SGMS1: variants seen among roughly 807,000 people sequenced by gnomAD.
The protein encoded by SGMS1 is sphingomyelin synthase 1, also known as phosphatidylcholine:ceramide cholinephosphotransferase 1.
SGMS1 carries 13 observed loss-of-function variants against 46.2 expected under a neutral mutation model. The ratio of observed to expected loss-of-function variants is 0.28; its 90% CI spans 0.18 to 0.45. The LOEUF (loss-of-function observed/expected upper bound fraction) is 0.45, where lower values mean the gene tolerates loss of function less well. Ranked by LOEUF, SGMS1 falls within the 20% of genes least tolerant of loss-of-function variation. The pLI, the probability that SGMS1 is intolerant of heterozygous loss-of-function variation, is 1.00. For missense variants in SGMS1, 324 were observed against 519.9 expected, an observed-to-expected ratio of 0.62 and a Z score of 3.66; for synonymous variants, 203 against 187.8, an observed-to-expected ratio of 1.08 and a Z score of -0.66.
At chr10:50,316,964 G>C (rs900965209) in intron 8 of SGMS1, among the ~76,000 whole-genome samples, 1 of 152,154 alleles carries the variant, frequency 6.6e-6, no homozygotes, top group Non-Finnish European at 1.5e-5. Flanking sequence ...GAACTAGTGA[G>C]CTTTTGGCTA....
intron 1 of SGMS1, among the ~76,000 whole-genome samples, chr10:50,619,277 T>C (rs1223839780): frequency 6.6e-6 from 1 of 151,998 alleles, no homozygotes; most frequent in Non-Finnish European, 1.5e-5. Flanking sequence ...AAAGCAGCAG[T>C]CAAGGCAACG....
chr10:50,580,484 T>C (rs1342879207), intron 2 of SGMS1, among the ~76,000 whole-genome samples: 2 of 149,284 alleles, frequency 1.3e-5, no homozygotes, highest in Non-Finnish European at 3.0e-5. Flanking sequence ...TCGGGGAAAT[T>C]AAGTAACTTG....
At chr10:50,589,265 C>T (rs549199873) in intron 2 of SGMS1, among the ~76,000 whole-genome samples, 8 of 152,114 alleles carry the variant, frequency 5.3e-5, no homozygotes, top group East Asian at 3.9e-4. Context: ...TCTCTCTCTC[C>T]GTGTGTGTGA....
intron 2 of SGMS1, among the ~76,000 whole-genome samples, chr10:50,581,885 T>A (rs984984531): frequency 6.6e-6 from 1 of 152,270 alleles, no homozygotes; most frequent in East Asian, 1.9e-4. Flanking sequence ...GACATCTACA[T>A]GGTAAACAAT....
At position 50,307,050 on chromosome 10, in the gene SGMS1, T is replaced by C. The variant is rs1280693001; in HGVS notation, c.*92A>G. The stretch of plus-strand genomic sequence containing the variant: ...AGTCAAGGTAACCATTGAAAGATAA[T>C]AGGATTAGGGAGGTGTTTATTTTAT... On this transcript the variant is annotated 3_prime_UTR_variant, in exon 11 of 11. Transcript: ENST00000361781. The surrounding 1 kb of genome is among the most constrained non-coding windows in gnomAD (Gnocchi z 4.2). The C allele has an allele frequency of 3.3e-6, 4 of 1,229,600 alleles. No individual in the cohort carries two copies. Among genetic ancestry groups the C allele is most frequent in the Non-Finnish European group, 4.5e-6 (4 of 885,254 alleles). The allele number at this position is 1,229,600 out of a possible 1,614,324, so 76.2% of individuals were successfully genotyped here.
intron 2 of SGMS1, among the ~76,000 whole-genome samples, chr10:50,529,743 T>C (rs1837935987): frequency 6.6e-6 from 1 of 152,200 alleles, no homozygotes; most frequent in African/African-American, 2.4e-5. Context: ...AGCATTGTGC[T>C]TGACACAGCA....
intron 6 of SGMS1, among the ~76,000 whole-genome samples, chr10:50,373,755 A>C (rs1359695668): frequency 6.6e-6 from 1 of 152,228 alleles, no homozygotes; most frequent in Non-Finnish European, 1.5e-5. Flanking sequence ...TACAAGAGGT[A>C]AAAATCTAGC....
intron 2 of SGMS1, among the ~76,000 whole-genome samples, chr10:50,586,018 T>G (rs1373160426): frequency 6.6e-6 from 1 of 152,224 alleles, no homozygotes; most frequent in Non-Finnish European, 1.5e-5. Flanking sequence ...GGCCATATGG[T>G]CACTGTTGCA....
intron 6 of SGMS1, among the ~76,000 whole-genome samples, chr10:50,387,428 T>C (rs1206811544): frequency 6.6e-6 from 1 of 152,220 alleles, no homozygotes; most frequent in Non-Finnish European, 1.5e-5. Context: ...TGGATTTAAT[T>C]ACCTTACGCT....
At chr10:50,374,753 G>T (rs1047842198) in intron 6 of SGMS1, among the ~76,000 whole-genome samples, 1 of 151,828 alleles carries the variant, frequency 6.6e-6, no homozygotes, top group African/African-American at 2.4e-5. Context: ...AACCACTCTG[G>T]CCACTGTTTC....
intron 3 of SGMS1, among the ~76,000 whole-genome samples, chr10:50,514,068 A>C (rs1837781191): frequency 6.6e-6 from 1 of 152,030 alleles, no homozygotes; most frequent in Non-Finnish European, 1.5e-5. Context: ...TGTGAGCACC[A>C]AAAAAAAGAT....
At chr10:50,475,186 G>A (rs966340221) in intron 3 of SGMS1, among the ~76,000 whole-genome samples, 10 of 152,094 alleles carry the variant, frequency 6.6e-5, no homozygotes, top group South Asian at 2.1e-4. Flanking sequence ...AATGTTGTCC[G>A]GTAGAGATAT....
intron 5 of SGMS1, among the ~76,000 whole-genome samples, chr10:50,442,828 G>A (rs1352667098): frequency 6.6e-6 from 1 of 152,152 alleles, no homozygotes; most frequent in African/African-American, 2.4e-5. Context: ...TGTTTACTCT[G>A]CTGATAGTTT....
chr10:50,399,067 C>T (rs926411816), intron 6 of SGMS1, among the ~76,000 whole-genome samples: 3 of 151,776 alleles, frequency 2.0e-5, no homozygotes, highest in Non-Finnish European at 2.9e-5. Context: ...TTTTAAGAAC[C>T]GATGGAAATG....
intron 7 of SGMS1, among the ~76,000 whole-genome samples, chr10:50,331,733 T>C (rs762047006): frequency 1.3e-5 from 2 of 152,336 alleles, no homozygotes; most frequent in African/African-American, 2.4e-5. Context: ...CAAATTCCTA[T>C]GTTGAAACCT....
chr10:50,486,610 T>C (rs980540823), intron 3 of SGMS1, among the ~76,000 whole-genome samples: 2 of 152,106 alleles, frequency 1.3e-5, no homozygotes, highest in African/African-American at 4.8e-5. Context: ...AACCACTAGA[T>C]GCCATCTCAC....
At chr10:50,573,594 C>A (rs1158536272) in intron 2 of SGMS1, among the ~76,000 whole-genome samples, 1 of 152,102 alleles carries the variant, frequency 6.6e-6, no homozygotes, top group African/African-American at 2.4e-5. Flanking sequence ...CTACCCAAAG[C>A]AATTTACAGT....
At chr10:50,401,304 C>G (rs1848937177) in intron 6 of SGMS1, among the ~76,000 whole-genome samples, 1 of 152,210 alleles carries the variant, frequency 6.6e-6, no homozygotes, top group Non-Finnish European at 1.5e-5. Flanking sequence ...GAAACTCTTT[C>G]TTTAAAAATA....
At chr10:50,557,838 AT>A (rs1838201337) in intron 2 of SGMS1, among the ~76,000 whole-genome samples, 1 of 152,228 alleles carries the variant, frequency 6.6e-6, no homozygotes, top group Admixed American at 6.5e-5. Context: ...CAAGGCTACT[AT>A]ACAAACAAGA....
Sources: gnomAD v4.1 joint callset for allele counts (sites outside exome capture counted in the v4.1 genomes callset) on GRCh38, gnomAD v4.1.1 for gene constraint, Gnocchi (gnomAD v3.1) non-coding constraint, MANE v1.5 for transcripts, NCBI Gene and HGNC (gene_info 2026-07-23, HGNC 2026-07-21) for gene names.